The following MYH3 variants were observed in gnomAD, a reference collection of about 807,000 sequenced individuals.
The protein encoded by MYH3 is myosin heavy chain 3, also known as myosin-3.
Under a neutral mutation model 238.0 loss-of-function variants are expected in MYH3, and 130 were observed. The ratio of observed to expected loss-of-function variants is 0.55; its 90% CI spans 0.47 to 0.63. The LOEUF is 0.63. Ranked by LOEUF, MYH3 falls within the 30% of genes least tolerant of loss-of-function variation. MYH3 has a pLI of 0.00. For missense variants in MYH3, 1,853 were observed against 2,374.9 expected, an observed-to-expected ratio of 0.78 and a Z score of 4.57; for synonymous variants, 880 against 924.1, an observed-to-expected ratio of 0.95 and a Z score of 0.86.
Position 10,642,884 on chromosome 17 carries a change from T to C in MYH3, c.1523A>G (p.Glu508Gly), listed in dbSNP as rs1174463579. The C allele has an allele frequency of 1.9e-6, 3 of 1,614,186 alleles. No individual in the cohort carries two copies. The highest frequency in any genetic ancestry group is 2.2e-5 in the South Asian group (2 of 91,084). The change falls in exon 15 of 41, where the codon GAG becomes GGG. Residue 508 changes from glutamate (E) to glycine (G), a missense_variant. Glu to Gly is a moderately conservative substitution (Grantham distance 98, BLOSUM62 -2). Coordinates refer to ENST00000583535, the MANE Select transcript of MYH3 (RefSeq NM_002470.4). This position sits in a 1 kb window ranked among gnomAD's most constrained non-coding sequence, Gnocchi z 5.4. ...CATCCCGAAGTCAATGAACGTCCAC[T>C]CGATGCCTTCCTTCTTGTACTCCTC... ...EQEEYKKEGI[E>G]WTFIDFGMDL...
chr17:10,634,759 C>T, intron 31 of MYH3, 81 bp downstream of exon 31: 21 of 1,560,342 alleles, frequency 1.3e-5, no homozygotes, highest in South Asian at 2.2e-5. Context: ...GAGTCAGGTC[C>T]GGGATGCATT....
chr17:10,646,128 C>A, intron 10 of MYH3, 96 bp from the exon 11 acceptor site: 2 of 940,928 alleles, frequency 2.1e-6, no homozygotes, highest in Non-Finnish European at 3.4e-6. Flanking sequence ...GAACTTTTAC[C>A]GCTGGATCCT....
upstream of MYH3, among the ~76,000 whole-genome samples, chr17:10,657,462 A>C (rs893791938): frequency 1.2e-4 from 18 of 152,186 alleles, no homozygotes; most frequent in Non-Finnish European, 2.1e-4. Context: ...GGAAAGGTAT[A>C]ATTAGAAATG....
At chr17:10,631,792 T>G in intron 35 of MYH3, 21 bp downstream of exon 35, 1 of 1,614,138 alleles carries the variant, frequency 6.2e-7, no homozygotes, top group Non-Finnish European at 8.5e-7. Flanking sequence ...ACCTCGCCTC[T>G]CTTCCTCTCC....
At chr17:10,650,619 C>T (rs1364387112) in intron 5 of MYH3, among the ~76,000 whole-genome samples, 2 of 152,072 alleles carry the variant, frequency 1.3e-5, no homozygotes, top group Non-Finnish European at 2.9e-5. Context: ...TAGGGTACAA[C>T]ATGATGATTT....
chr17:10,642,778 G>GC lies in MYH3; in HGVS notation c.1581+47dup, dbSNP rs779279738. ...AGGTAAATATGAGCTGCAGTAATGA[G>GC]CAGAAGAGTCTATGAGAAGAGCTTA... On this transcript the variant is annotated intron_variant, in intron 15 of 40. Coordinates refer to ENST00000583535, the MANE Select transcript of MYH3 (RefSeq NM_002470.4). This position sits in a 1 kb window ranked among gnomAD's most constrained non-coding sequence, Gnocchi z 5.4. 3.7e-6 allele frequency: 6 copies of GC among 1,614,182 alleles called. No homozygotes were observed. The highest frequency in any genetic ancestry group is 4.2e-6 in the Non-Finnish European group (5 of 1,180,026).
the MYH3 span, among the ~76,000 whole-genome samples, chr17:10,664,589 C>G: frequency 7.4e-5 from 11 of 149,216 alleles, no homozygotes; most frequent in Admixed American, 7.4e-4. Context: ...GAAAGATGAA[C>G]AAGTAATGAG....
chr17:10,652,147 C>A, intron 4 of MYH3: 1 of 511,458 alleles, frequency 2.0e-6, no homozygotes, highest in Non-Finnish European at 3.6e-6. Flanking sequence ...AGTGGCGACC[C>A]TCCCACAGTT....
the MYH3 span, among the ~76,000 whole-genome samples, chr17:10,662,625 G>A: frequency 6.6e-6 from 1 of 152,124 alleles, no homozygotes; most frequent in South Asian, 2.1e-4. Context: ...TAGGCAGTTC[G>A]CATGTAAATT....
upstream of MYH3, among the ~76,000 whole-genome samples, chr17:10,659,733 C>T (rs201611): frequency 0.57 from 86,111 of 152,084 alleles, 26,664 homozygotes; most frequent in African/African-American, 0.82. Context: ...AGAAAGAACA[C>T]CCTGCTGAAC....
At chr17:10,648,766 C>T in intron 7 of MYH3, 117 bp from the exon 8 acceptor site, 1 of 850,086 alleles carries the variant, frequency 1.2e-6, no homozygotes, top group South Asian at 1.4e-5. Context: ...ACCTCCACCT[C>T]CCGGGTTCAT....
intron 39 of MYH3, 25 bp downstream of exon 39, chr17:10,629,817 C>G (rs527661230): frequency 6.2e-7 from 1 of 1,613,966 alleles, no homozygotes; most frequent in South Asian, 1.1e-5. Flanking sequence ...GTCTGCCTGC[C>G]GCAGTCAGCA....
At position 10,640,469 on chromosome 17, in the gene MYH3, C is replaced by T; in HGVS notation, c.2290G>A (p.Val764Met). 2 of 1,614,230 alleles carry T rather than the reference C, an allele frequency of 1.2e-6. No homozygotes were observed. Among genetic ancestry groups the T allele is most frequent in the Non-Finnish European group, 8.5e-7 (1 of 1,180,048 alleles). The change falls in exon 21 of 41, where the codon GTG becomes ATG. Residue 764 changes from valine to methionine, a missense_variant and splice_region_variant. Physicochemically the swap from Val to Met is conservative, Grantham distance 21. Around this residue, in one of 3 missense-constraint regions of MYH3, gnomAD observed 678 missense variants for 1,058.9 expected, o/e 0.64. Transcript: ENST00000583535. ...HTQYKFGHTK[V>M]FFKAGLLGTL... Reference sequence around the variant, plus strand: ...CCCAGCAAGCCAGCCTTGAAGAACACCTTATGGGGCAGAAGGGTGACATGA... The same window carrying T: ...CCCAGCAAGCCAGCCTTGAAGAACATCTTATGGGGCAGAAGGGTGACATGA...
chr17:10,672,201 T>C, the MYH3 span, among the ~76,000 whole-genome samples: 1 of 152,234 alleles, frequency 6.6e-6, no homozygotes, highest in African/African-American at 2.4e-5. Flanking sequence ...ATTTCATTAA[T>C]CACTGTTCCA....
intron 8 of MYH3, among the ~76,000 whole-genome samples, chr17:10,647,841 C>G (rs965333231): frequency 1.4e-4 from 21 of 152,250 alleles, no homozygotes; most frequent in African/African-American, 5.1e-4. Context: ...CCGTGCCCAG[C>G]ACCCCCTACA....
chr17:10,653,159 G>GT (rs1210579033), intron 3 of MYH3, among the ~76,000 whole-genome samples: 4 of 152,178 alleles, frequency 2.6e-5, no homozygotes, highest in African/African-American at 9.7e-5. Context: ...ATCTGTGTGG[G>GT]TGGATATGGG....
rs2285464 is a variant in MYH3, at chr17:10,652,209, C to T, written c.348+211G>A. On this transcript the variant is annotated intron_variant, in intron 4 of 40. Coordinates refer to ENST00000583535, the MANE Select transcript of MYH3 (RefSeq NM_002470.4). ...GCCTGGCCCCAGCTTCCCCGCTCTC[C>T]GGCTCCTGGTCCTCCTTCCCACCTT... The T allele has an allele frequency of 0.64, 425,552 of 666,874 alleles. 143,816 individuals carry two copies. Among genetic ancestry groups the T allele is most frequent in the Non-Finnish European group, 0.73 (280,884 of 383,242 alleles). The allele number at this position is 666,874 out of a possible 1,614,324, so 41.3% of individuals were successfully genotyped here.
intron 10 of MYH3, 71 bp downstream of exon 10, chr17:10,647,111 T>A: frequency 8.9e-7 from 1 of 1,117,750 alleles, no homozygotes; most frequent in African/African-American, 1.5e-5. Flanking sequence ...TCTACGTAGA[T>A]ACAACTCTCC....
intron 28 of MYH3, among the ~76,000 whole-genome samples, chr17:10,636,739 C>A (rs911851936): frequency 6.6e-6 from 1 of 152,082 alleles, no homozygotes; most frequent in Non-Finnish European, 1.5e-5. Context: ...CACAGTGAAA[C>A]CCTGTCTCTA....
Sources: allele counts gnomAD v4.1 joint callset (sites outside exome capture counted in the v4.1 genomes callset), GRCh38; gene constraint gnomAD v4.1.1; regional missense constraint gnomAD v4.1.1; non-coding constraint Gnocchi (gnomAD v3.1); transcripts MANE v1.5; gene names NCBI Gene and HGNC (gene_info 2026-07-23, HGNC 2026-07-21).